Variants in ACTR3B observed in about 807,000 individuals in gnomAD.
ACTR3B encodes actin-related protein 3B.
Under a neutral mutation model 59.0 loss-of-function variants are expected in ACTR3B, and 8 were observed. The observed-to-expected ratio is 0.14, with a 90% confidence interval of 0.08 to 0.24. The LOEUF (loss-of-function observed/expected upper bound fraction) is 0.24. Among genes scored for constraint, ACTR3B ranks in the 10% least tolerant of loss-of-function variants. The pLI is 1.00. For missense variants in ACTR3B, 245 were observed against 552.3 expected (o/e 0.44, Z 5.58); for synonymous variants, 148 against 197.9 (o/e 0.75, Z 2.12).
At chr7:152,767,433 G>T (rs1242682356) in intron 1 of ACTR3B, among the ~76,000 whole-genome samples, 2 of 152,132 alleles carry the variant, frequency 1.3e-5, no homozygotes, top group South Asian at 2.1e-4. Flanking sequence ...GGCTTCCCCT[G>T]CCCATCTAAT....
intron 6 of ACTR3B, among the ~76,000 whole-genome samples, chr7:152,818,127 G>A (rs1226934187): frequency 8.5e-5 from 13 of 152,306 alleles, no homozygotes; most frequent in African/African-American, 1.4e-4. Context: ...TCAGGCTTCC[G>A]TTTCCTCAGA....
intron 1 of ACTR3B, among the ~76,000 whole-genome samples, chr7:152,761,294 C>A (rs2098088618): frequency 6.6e-6 from 1 of 152,150 alleles, no homozygotes; most frequent in Non-Finnish European, 1.5e-5. Context: ...CCAATGGGTT[C>A]ACCTCAGGTC....
At chr7:152,792,609 T>C (rs2098200465) in intron 2 of ACTR3B, among the ~76,000 whole-genome samples, 1 of 151,996 alleles carries the variant, frequency 6.6e-6, no homozygotes, top group South Asian at 2.1e-4. Context: ...TAGCTGGGTG[T>C]GGTGGCGTGC....
At chr7:152,796,869 T>G (rs3111467) in intron 2 of ACTR3B, among the ~76,000 whole-genome samples, 7,616 of 98,828 alleles carry the variant, frequency 0.077, 130 homozygotes, top group Non-Finnish European at 0.11. Context: ...TGTTTTTTTT[T>G]TTTTTTTTTT....
intron 1 of ACTR3B, among the ~76,000 whole-genome samples, chr7:152,771,004 C>A (rs2116530336): frequency 6.6e-6 from 1 of 150,810 alleles, no homozygotes; most frequent in East Asian, 1.9e-4. Flanking sequence ...CGCTCTGACA[C>A]CCAGGCTGGA....
At chr7:152,810,252 G>A (rs1359410173) in intron 4 of ACTR3B, among the ~76,000 whole-genome samples, 6 of 151,856 alleles carry the variant, frequency 4.0e-5, no homozygotes, top group South Asian at 2.1e-4. Context: ...GATTACAGGC[G>A]TGCACCACCA....
chr7:152,768,556 A>C lies in ACTR3B; in HGVS notation c.44+8630A>C, dbSNP rs984771111. Among the ~76,000 whole-genome samples, 24 of 152,074 alleles carry C rather than the reference A, an allele frequency of 1.6e-4. 1 individual carries two copies. Among genetic ancestry groups the C allele is most frequent in the Admixed American group, 1.5e-3 (23 of 15,250 alleles). On this transcript the variant is annotated intron_variant, in intron 1 of 11. Transcript: ENST00000256001. The stretch of plus-strand genomic sequence containing the variant: ...CAATGGAGCGATCTCGGCTCACTGC[A>C]ACCTCCACCTCCTGGATTCAAGCAA...
chr7:152,827,388 G>C (rs1796659536), intron 9 of ACTR3B, among the ~76,000 whole-genome samples: 1 of 152,074 alleles, frequency 6.6e-6, no homozygotes, highest in Non-Finnish European at 1.5e-5. Context: ...CCTGGGGCTG[G>C]CCATGCTTTC....
At chr7:152,806,601 C>T (rs148951732) in intron 4 of ACTR3B, among the ~76,000 whole-genome samples, 1 of 151,998 alleles carries the variant, frequency 6.6e-6, no homozygotes, top group Non-Finnish European at 1.5e-5. Flanking sequence ...TCATGATCAC[C>T]AGTTGATTAC....
At chr7:152,804,582 A>G in intron 4 of ACTR3B, among the ~76,000 whole-genome samples, 1 of 152,138 alleles carries the variant, frequency 6.6e-6, no homozygotes, top group Non-Finnish European at 1.5e-5. Context: ...GCGTAGGGTG[A>G]GAATGGCAGG....
chr7:152,836,576 C>A (rs996268083), intron 9 of ACTR3B, among the ~76,000 whole-genome samples: 2 of 150,666 alleles, frequency 1.3e-5, no homozygotes, highest in African/African-American at 4.9e-5. Flanking sequence ...GACAAAGGGA[C>A]ACCCTATTTC....
Position 152,759,890 on chromosome 7 carries a change from G to GCTCCCTGC in ACTR3B, c.17_24dup (p.Val9LeufsTer38), listed in dbSNP as rs1166378197. Reference sequence around the variant, plus strand: ...GCGCCGCGCGTCCCGAGCATGGCAGGCTCCCTGCCTCCCTGCGTGGTGGAC... The same window carrying GCTCCCTGC: ...GCGCCGCGCGTCCCGAGCATGGCAGGCTCCCTGCCTCCCTGCCTCCCTGCGTGGTGGAC... On this transcript the variant is annotated frameshift_variant, in exon 1 of 12. Transcript: ENST00000256001. LOFTEE classifies it high-confidence loss of function. The GCTCCCTGC allele has an allele frequency of 7.3e-7, 1 of 1,366,940 alleles. No individual in the cohort carries two copies. Among genetic ancestry groups the GCTCCCTGC allele is most frequent in the Non-Finnish European group, 9.5e-7 (1 of 1,050,644 alleles). The allele number at this position is 1,366,940 out of a possible 1,614,324, so 84.7% of individuals were successfully genotyped here.
At chr7:152,834,379 C>T (rs1164999667) in intron 9 of ACTR3B, among the ~76,000 whole-genome samples, 3 of 152,212 alleles carry the variant, frequency 2.0e-5, no homozygotes, top group Admixed American at 1.3e-4. Context: ...GTCTCGAACT[C>T]CTGACCTCAG....
chr7:152,844,825 A>G (rs563155299), intron 9 of ACTR3B, among the ~76,000 whole-genome samples: 2 of 143,836 alleles, frequency 1.4e-5, no homozygotes, highest in South Asian at 4.7e-4. Flanking sequence ...TATCACTCCA[A>G]GGATTTAATG....
chr7:152,816,969 C>T (rs1340797413), intron 6 of ACTR3B: 2 of 268,886 alleles, frequency 7.4e-6, no homozygotes, highest in East Asian at 1.1e-4. Context: ...GAGATAGACA[C>T]CGTTTTGGAT....
At chr7:152,785,620 C>T (rs1035320781) in intron 2 of ACTR3B, among the ~76,000 whole-genome samples, 4 of 135,604 alleles carry the variant, frequency 2.9e-5, no homozygotes, top group African/African-American at 8.3e-5. Context: ...CCTGGGTCAC[C>T]GTGGACAGTT....
At position 152,776,882 on chromosome 7, in the gene ACTR3B, A is replaced by G. The variant is rs570911728; in HGVS notation, c.45-6305A>G. ...GCTATATTATACATCCGTTTATGGC[A>G]GTAAGTATACATCTTCATTTTTGAT... On this transcript the variant is annotated intron_variant, in intron 1 of 11. Coordinates refer to ENST00000256001, the MANE Select transcript of ACTR3B (RefSeq NM_020445.6). Among the ~76,000 whole-genome samples, 436 of 152,326 alleles carry G rather than the reference A, an allele frequency of 2.9e-3. 3 individuals carry two copies. The highest frequency in any genetic ancestry group is 0.011 in the South Asian group (53 of 4,832).
At chr7:152,853,862 G>A (rs189875020) in intron 11 of ACTR3B, among the ~76,000 whole-genome samples, 9 of 152,064 alleles carry the variant, frequency 5.9e-5, no homozygotes, top group East Asian at 5.8e-4. Context: ...GACTACAGGC[G>A]TTCACCACCA....
At chr7:152,805,318 TG>T (rs2098249090) in intron 4 of ACTR3B, among the ~76,000 whole-genome samples, 1 of 151,906 alleles carries the variant, frequency 6.6e-6, no homozygotes, top group African/African-American at 2.4e-5. Flanking sequence ...AAGGAGAGTT[TG>T]GTTTTGTACA....
Sources: gnomAD v4.1 joint callset for allele counts (sites outside exome capture counted in the v4.1 genomes callset) on GRCh38, gnomAD v4.1.1 for gene constraint, MANE v1.5 for transcripts, NCBI Gene and HGNC (gene_info 2026-07-23, HGNC 2026-07-21) for gene names.